Variants in USP20 observed in about 807,000 individuals in gnomAD.
The protein encoded by USP20 is ubiquitin specific peptidase 20.
Under a neutral mutation model 124.2 loss-of-function variants are expected in USP20, and 80 were observed. That is an observed-to-expected ratio of 0.64 (90% CI 0.54 to 0.78). The LOEUF is 0.78. Among genes scored for constraint, USP20 ranks in the 30% least tolerant of loss-of-function variants. The pLI is 0.00. For synonymous variants in USP20, 481 were observed against 512.3 expected (o/e 0.94, Z 0.83); for missense variants, 1,043 against 1,244.4 (o/e 0.84, Z 2.44).
intron 9 of USP20, among the ~76,000 whole-genome samples, chr9:129,864,804 A>C (rs2033745398): frequency 6.7e-6 from 1 of 150,116 alleles, no homozygotes; most frequent in Admixed American, 6.6e-5. Flanking sequence ...CCAGCATGGT[A>C]CAATATAATT....
At chr9:129,853,837 C>G (rs1173560364) in intron 3 of USP20, among the ~76,000 whole-genome samples, 1 of 152,160 alleles carries the variant, frequency 6.6e-6, no homozygotes, top group Non-Finnish European at 1.5e-5. Context: ...AAGGTTTGCA[C>G]TGGGCCTGGC....
Position 129,868,898 on chromosome 9 carries a change from G to T in USP20, c.1172G>T (p.Arg391Leu). The T allele has an allele frequency of 1.2e-6, 2 of 1,604,300 alleles. No homozygotes were observed. Among genetic ancestry groups the T allele is most frequent in the East Asian group, 2.2e-5 (1 of 44,572 alleles). Residue 391 changes from arginine (R) to leucine (L), a missense_variant, in exon 12 of 26, where the codon CGC becomes CTC. Transcript: ENST00000372429. Reference sequence around the variant, plus strand: ...GATGCTCACCTACGCAGCTCCTCTCGCCCCTGCAGCCCCGTCCACCACCAC... The same window carrying T: ...GATGCTCACCTACGCAGCTCCTCTCTCCCCTGCAGCCCCGTCCACCACCAC... ...DNDAHLRSSS[R>L]PCSPVHHHEG...
At chr9:129,868,754 A>T in intron 11 of USP20, 108 bp from the exon 12 acceptor site, 1 of 1,474,806 alleles carries the variant, frequency 6.8e-7, no homozygotes, top group Non-Finnish European at 9.0e-7. Flanking sequence ...GAGACACATT[A>T]GGGTCAGGCT....
At chr9:129,860,850 C>A in intron 6 of USP20, 87 bp from the exon 7 acceptor site, 3 of 1,386,772 alleles carry the variant, frequency 2.2e-6, no homozygotes, top group Non-Finnish European at 3.1e-6. Flanking sequence ...GGCAGTAGGG[C>A]TGGACTTCCA....
At chr9:129,855,170 G>A (rs1267205365) in intron 3 of USP20, among the ~76,000 whole-genome samples, 2 of 152,196 alleles carry the variant, frequency 1.3e-5, no homozygotes, top group African/African-American at 2.4e-5. Flanking sequence ...GGTGGCTCAC[G>A]CCTGTAATCC....
intron 2 of USP20, among the ~76,000 whole-genome samples, chr9:129,850,457 A>G (rs1233284891): frequency 6.6e-6 from 1 of 152,092 alleles, no homozygotes; most frequent in Non-Finnish European, 1.5e-5. Context: ...TTTTTCATAA[A>G]CGAATGCACA....
At chr9:129,841,536 G>T (rs1375485716) in intron 1 of USP20, among the ~76,000 whole-genome samples, 2 of 152,206 alleles carry the variant, frequency 1.3e-5, no homozygotes, top group Non-Finnish European at 2.9e-5. Flanking sequence ...TCCTGGGGAT[G>T]TTCTTTGTGG....
At chr9:129,861,419 ACCATGTCCT>A in intron 7 of USP20, 115 bp from the exon 8 acceptor site, 1 of 855,900 alleles carries the variant, frequency 1.2e-6, no homozygotes, top group Non-Finnish European at 2.0e-6. Context: ...GAACGCTTCC[ACCATGTCCT>A]CTTCTTGGGT....
intron 15 of USP20, among the ~76,000 whole-genome samples, chr9:129,873,080 C>CTTCTTTTTT (rs1463874554): frequency 1.3e-5 from 1 of 78,368 alleles, no homozygotes; most frequent in Non-Finnish European, 2.3e-5. Context: ...TTTTCTTCTT[C>CTTCTTTTTT]TTTTTTTTTT....
chr9:129,843,915 A>G (rs1467905640), intron 1 of USP20, among the ~76,000 whole-genome samples: 2 of 152,108 alleles, frequency 1.3e-5, no homozygotes, highest in African/African-American at 2.4e-5. Flanking sequence ...GAAAAATTAA[A>G]AAGTAGCCAG....
At chr9:129,858,324 G>T (rs2033326505) in intron 5 of USP20, 143 bp from the exon 6 acceptor site, 12 of 1,275,698 alleles carry the variant, frequency 9.4e-6, no homozygotes, top group Non-Finnish European at 1.1e-5. Flanking sequence ...CCTGACTGGG[G>T]GTGGGTAAGC....
At chr9:129,868,669 C>A (rs980871842) in intron 11 of USP20, among the ~76,000 whole-genome samples, 193 bp from the exon 12 acceptor site, 4 of 152,132 alleles carry the variant, frequency 2.6e-5, no homozygotes, top group Admixed American at 1.3e-4. Flanking sequence ...GAGCCCTGAG[C>A]CTTCCAGCCG....
At chr9:129,862,552 C>CAAAAAA (rs5900869) in intron 8 of USP20, among the ~76,000 whole-genome samples, 1 of 133,298 alleles carries the variant, frequency 7.5e-6, no homozygotes, top group Non-Finnish European at 1.6e-5. Flanking sequence ...GACTCCGTCT[C>CAAAAAA]AAAAAAAAAA....
intron 4 of USP20, among the ~76,000 whole-genome samples, chr9:129,857,212 T>C (rs1386204984): frequency 3.9e-5 from 6 of 152,272 alleles, no homozygotes; most frequent in African/African-American, 1.4e-4. Flanking sequence ...AGACACTGCG[T>C]ATCCAGGGGG....
chr9:129,863,111 C>G (rs1018233957), intron 8 of USP20, 75 bp from the exon 9 acceptor site: 2 of 1,228,916 alleles, frequency 1.6e-6, no homozygotes, highest in Non-Finnish European at 2.2e-6. Context: ...CAGGGCTCCC[C>G]GCTATGCAGC....
intron 3 of USP20, among the ~76,000 whole-genome samples, chr9:129,855,047 A>G (rs1007669407): frequency 1.3e-5 from 2 of 151,978 alleles, no homozygotes; most frequent in Non-Finnish European, 2.9e-5. Context: ...CAAGGGTGTG[A>G]CCTCTCTGAG....
At chr9:129,851,115 C>T (rs76977578) in intron 2 of USP20, among the ~76,000 whole-genome samples, 1,811 of 152,138 alleles carry the variant, frequency 0.012, 17 homozygotes, top group Middle Eastern at 0.024. Flanking sequence ...GCTAAAATAC[C>T]GTAGGTGAAG....
At chr9:129,850,792 A>AT (rs764093023) in intron 2 of USP20, among the ~76,000 whole-genome samples, 26 of 152,086 alleles carry the variant, frequency 1.7e-4, no homozygotes, top group Non-Finnish European at 2.8e-4. Context: ...AGTAGCTGGG[A>AT]TTATAGGCTT....
intron 17 of USP20, 89 bp downstream of exon 17, chr9:129,873,833 C>A: frequency 6.7e-7 from 1 of 1,492,592 alleles, no homozygotes. Flanking sequence ...TGCTCCACTG[C>A]TCGGGCACTT....
Sources: gnomAD v4.1 joint callset for allele counts (sites outside exome capture counted in the v4.1 genomes callset) on GRCh38, gnomAD v4.1.1 for gene constraint, MANE v1.5 for transcripts, NCBI Gene and HGNC (gene_info 2026-07-23, HGNC 2026-07-21) for gene names.